The following ROBO2 variants were observed in gnomAD, a reference collection of about 807,000 sequenced individuals.
ROBO2 encodes the protein roundabout homolog 2.
ROBO2 carries 53 observed loss-of-function variants against 160.8 expected under a neutral mutation model. That is an observed-to-expected ratio of 0.33 (90% CI 0.26 to 0.41). The LOEUF (loss-of-function observed/expected upper bound fraction) is 0.41, where lower values mean the gene tolerates loss of function less well. Among genes scored for constraint, ROBO2 ranks in the 10% least tolerant of loss-of-function variants. The probability of loss-of-function intolerance (pLI) is 1.00; values close to 1 mark genes in which losing one functional copy is unlikely to be tolerated. For missense variants in ROBO2, 1,577 were observed against 1,722.4 expected, an observed-to-expected ratio of 0.92 and a Z score of 1.49; for synonymous variants, 664 against 611.7, an observed-to-expected ratio of 1.09 and a Z score of -1.26.
intron 2 of ROBO2, among the ~76,000 whole-genome samples, chr3:77,325,504 A>G (rs1372503878): frequency 6.6e-6 from 1 of 152,218 alleles, no homozygotes; most frequent in African/African-American, 2.4e-5. Context: ...GGCTTGATTT[A>G]GTAGCACTGA....
chr3:77,211,978 C>A (rs907443971), intron 2 of ROBO2, among the ~76,000 whole-genome samples: 2 of 152,100 alleles, frequency 1.3e-5, no homozygotes, highest in Non-Finnish European at 2.9e-5. Context: ...GTTACTGTAG[C>A]CTTGTAGTAT....
At chr3:76,680,062 A>G (rs139301848) in intron 2 of ROBO2, among the ~76,000 whole-genome samples, 1 of 152,274 alleles carries the variant, frequency 6.6e-6, no homozygotes, top group African/African-American at 2.4e-5. Flanking sequence ...TTAAAGCTAA[A>G]CATTGTGCAA....
intron 13 of ROBO2, 82 bp downstream of exon 14, chr3:77,568,516 T>G (rs1559631679): frequency 6.5e-7 from 1 of 1,531,450 alleles, no homozygotes; most frequent in Non-Finnish European, 9.0e-7. Flanking sequence ...GAACAAAGAG[T>G]GATAATAAAA....
At chr3:77,261,105 T>C (rs1230579808) in intron 2 of ROBO2, among the ~76,000 whole-genome samples, 2 of 152,158 alleles carry the variant, frequency 1.3e-5, no homozygotes, top group East Asian at 1.9e-4. Context: ...AGAGTGAAGA[T>C]AGCGTATGGG....
At chr3:77,278,988 A>G (rs2060070695) in intron 2 of ROBO2, among the ~76,000 whole-genome samples, 2 of 152,120 alleles carry the variant, frequency 1.3e-5, no homozygotes, top group African/African-American at 4.8e-5. Context: ...CAGCATTTTC[A>G]TTTTACTGAA....
intron 2 of ROBO2, among the ~76,000 whole-genome samples, chr3:77,320,383 A>T (rs577068627): frequency 1.3e-5 from 2 of 152,248 alleles, no homozygotes; most frequent in African/African-American, 4.8e-5. Flanking sequence ...TTGGGGAATG[A>T]CAGTGATTGT....
At chr3:76,254,827 GTATTA>G (rs924931747) in intron 2 of ROBO2, among the ~76,000 whole-genome samples, 26 of 152,010 alleles carry the variant, frequency 1.7e-4, no homozygotes, top group Middle Eastern at 3.4e-3. Flanking sequence ...CCTGGTTGTA[GTATTA>G]TATTATAATT....
intron 2 of ROBO2, among the ~76,000 whole-genome samples, chr3:77,101,601 C>T (rs2071942358): frequency 6.6e-6 from 1 of 152,068 alleles, no homozygotes. Context: ...AGGGCTGAGT[C>T]CAATTCCAGT....
chr3:77,646,319 G>T (rs1256654456), exon 26 of ROBO2: 2 of 371,178 alleles, frequency 5.4e-6, no homozygotes, highest in African/African-American at 4.2e-5. Flanking sequence ...GGAAGAAAAG[G>T]ATTCTCCTCT....
chr3:77,086,829 C>A (rs1367173977), intron 1 of ROBO2, among the ~76,000 whole-genome samples: 1 of 152,116 alleles, frequency 6.6e-6, no homozygotes, highest in East Asian at 1.9e-4. Flanking sequence ...TATTTTCCAT[C>A]TGTCTTTTAA....
At chr3:76,401,555 TAAC>T (rs1346319230) in intron 2 of ROBO2, among the ~76,000 whole-genome samples, 2 of 151,530 alleles carry the variant, frequency 1.3e-5, no homozygotes, top group African/African-American at 4.8e-5. Context: ...GATGAGCAAT[TAAC>T]AACAATAACG....
At chr3:77,520,174 T>A (rs2090450964) in intron 5 of ROBO2, among the ~76,000 whole-genome samples, 1 of 151,532 alleles carries the variant, frequency 6.6e-6, no homozygotes, top group South Asian at 2.1e-4. Context: ...TTGCTGAATA[T>A]GAAATTATTT....
At chr3:77,343,512 G>A (rs778205301) in intron 2 of ROBO2, among the ~76,000 whole-genome samples, 6 of 152,186 alleles carry the variant, frequency 3.9e-5, no homozygotes, top group South Asian at 4.1e-4. Context: ...ACTTATTTAC[G>A]TATTTAACAT....
intron 2 of ROBO2, among the ~76,000 whole-genome samples, chr3:76,656,914 C>T (rs2091551981): frequency 6.6e-6 from 1 of 152,124 alleles, no homozygotes; most frequent in African/African-American, 2.4e-5. Context: ...TAGTCTTTAA[C>T]TGGCTGTCTA....
At chr3:76,227,657 G>A (rs926672726) in intron 2 of ROBO2, among the ~76,000 whole-genome samples, 5 of 152,176 alleles carry the variant, frequency 3.3e-5, no homozygotes, top group Admixed American at 2.6e-4. Flanking sequence ...CACACCTTTA[G>A]TCCAAGGATA....
intron 2 of ROBO2, among the ~76,000 whole-genome samples, chr3:76,953,107 A>T (rs1181110735): frequency 6.6e-6 from 1 of 152,162 alleles, no homozygotes; most frequent in African/African-American, 2.4e-5. Context: ...GTTGATTTTG[A>T]TTTAGAATCT....
chr3:76,834,301 C>T (rs951973498), intron 2 of ROBO2, among the ~76,000 whole-genome samples: 1 of 151,302 alleles, frequency 6.6e-6, no homozygotes, highest in African/African-American at 2.4e-5. Flanking sequence ...GATCCTCCTG[C>T]CTCAGCTTCC....
At chr3:76,117,347 T>G (rs1410786372) in intron 2 of ROBO2, among the ~76,000 whole-genome samples, 2 of 152,216 alleles carry the variant, frequency 1.3e-5, no homozygotes, top group African/African-American at 4.8e-5. Flanking sequence ...TGACCTCTTT[T>G]AAGTCTGACC....
intron 2 of ROBO2, among the ~76,000 whole-genome samples, chr3:76,851,253 T>C (rs1441864039): frequency 1.3e-5 from 2 of 152,168 alleles, no homozygotes; most frequent in Non-Finnish European, 2.9e-5. Context: ...AATTCAATTG[T>C]TAACCTCACT....
Sources: gnomAD v4.1 joint callset for allele counts (sites outside exome capture counted in the v4.1 genomes callset) on GRCh38, gnomAD v4.1.1 for gene constraint, MANE v1.5 for transcripts, NCBI Gene and HGNC (gene_info 2026-07-23, HGNC 2026-07-21) for gene names.